FARP1: variants seen among roughly 807,000 people sequenced by gnomAD.
The protein encoded by FARP1 is FERM, ARHGEF and pleckstrin domain-containing protein 1.
Under a neutral mutation model 128.8 loss-of-function variants are expected in FARP1, and 52 were observed. The observed-to-expected ratio is 0.40, with a 90% CI of 0.32 to 0.51. The LOEUF is 0.51. Among genes scored for constraint, FARP1 ranks in the 20% least tolerant of loss-of-function variants. The pLI is 0.45. For synonymous variants in FARP1, 580 were observed against 551.8 expected, an observed-to-expected ratio of 1.05 and a Z score of -0.72; for missense variants, 1,333 against 1,367.9, an observed-to-expected ratio of 0.97 and a Z score of 0.40.
At chr13:98,232,145 G>GTT (rs59209045) in intron 2 of FARP1, among the ~76,000 whole-genome samples, 3,575 of 105,304 alleles carry the variant, frequency 0.034, 94 homozygotes, top group African/African-American at 0.053. Flanking sequence ...TGTTTGGTTG[G>GTT]TTTTTTTTTT....
At chr13:98,159,138 C>A (rs1219066132) in intron 1 of FARP1, among the ~76,000 whole-genome samples, 1 of 152,192 alleles carries the variant, frequency 6.6e-6, no homozygotes, top group African/African-American at 2.4e-5. Flanking sequence ...TCTGGCCCAT[C>A]CTTGGAATCG....
At chr13:98,412,092 T>G in intron 16 of FARP1, 58 bp downstream of exon 16, 1 of 1,565,424 alleles carries the variant, frequency 6.4e-7, no homozygotes. Context: ...TGTGTTATTT[T>G]TATGTCGTCC....
chr13:98,192,477 C>A (rs1879300959), intron 1 of FARP1, among the ~76,000 whole-genome samples: 1 of 152,058 alleles, frequency 6.6e-6, no homozygotes, highest in African/African-American at 2.4e-5. Context: ...GCAACCTCTG[C>A]CTCTCAGGTT....
In FARP1 at chr13:98,256,564, T is replaced by A. The variant is rs944700561; in HGVS notation, c.171+43151T>A. 1.1e-4 allele frequency among the ~76,000 whole-genome samples: 17 copies of A among 152,048 alleles called. 1 individual carries two copies. Among genetic ancestry groups the A allele is most frequent in the African/African-American group, 4.1e-4 (17 of 41,486 alleles). On this transcript the variant is annotated intron_variant, in intron 2 of 26. Coordinates refer to ENST00000319562, the MANE Select transcript of FARP1 (RefSeq NM_005766.4). ...ATGTGCATCTTACCACTTTTTTTTT[T>A]TTTCTTTTTTTTGGAGACAGAGTTT...
At chr13:98,306,677 GCTAA>G (rs1886178328) in intron 2 of FARP1, among the ~76,000 whole-genome samples, 1 of 40,930 alleles carries the variant, frequency 2.4e-5, no homozygotes, top group South Asian at 1.7e-3. Context: ...ACCACACCCG[GCTAA>G]CTTTTTTTTT....
At chr13:98,366,730 C>G (rs1453166061) in intron 4 of FARP1, among the ~76,000 whole-genome samples, 1 of 152,200 alleles carries the variant, frequency 6.6e-6, no homozygotes, top group Non-Finnish European at 1.5e-5. Context: ...GTGAAAATCG[C>G]AGAGAATAAG....
At chr13:98,265,594 C>T (rs955661408) in intron 2 of FARP1, among the ~76,000 whole-genome samples, 2 of 152,080 alleles carry the variant, frequency 1.3e-5, no homozygotes, top group Admixed American at 6.5e-5. Flanking sequence ...GCTGGGATTA[C>T]AGGCGTGAGC....
chr13:98,396,078 A>C, intron 13 of FARP1: 1 of 399,138 alleles, frequency 2.5e-6, no homozygotes, highest in Non-Finnish European at 4.4e-6. Flanking sequence ...AGTCAGAGAC[A>C]GATCCACTCA....
rs1893388042 is a variant in FARP1, at chr13:98,455,056, T to C, written c.*6739T>C. Reference sequence around the variant, plus strand: ...AAAATGTGCTGCGTCTGAATGGAGATGTGCTAAGTGTAAAACACACACCAA... The same window carrying C: ...AAAATGTGCTGCGTCTGAATGGAGACGTGCTAAGTGTAAAACACACACCAA... On this transcript the variant is annotated 3_prime_UTR_variant, in exon 27 of 27. Coordinates refer to ENST00000319562, the MANE Select transcript of FARP1 (RefSeq NM_005766.4). The C allele has an allele frequency of 6.6e-6, 1 of 152,222 alleles. No homozygotes were observed. Among genetic ancestry groups the C allele is most frequent in the Non-Finnish European group, 1.5e-5 (1 of 68,044 alleles). The allele number at this position is 152,222 out of a possible 1,614,324, so 9.4% of individuals were successfully genotyped here. A position where few individuals can be genotyped will look rare whatever the true frequency, so the allele number is the denominator to read the frequency against.
chr13:98,150,873 T>C (rs1875948681), intron 1 of FARP1, among the ~76,000 whole-genome samples: 1 of 152,082 alleles, frequency 6.6e-6, no homozygotes, highest in Non-Finnish European at 1.5e-5. Flanking sequence ...GTTTGTTCTT[T>C]GGCACACAGA....
intron 2 of FARP1, among the ~76,000 whole-genome samples, chr13:98,214,193 G>A (rs568953596): frequency 2.0e-5 from 3 of 152,200 alleles, no homozygotes; most frequent in Non-Finnish European, 2.9e-5. Flanking sequence ...TCCTCAGATC[G>A]CTCCTGCGGG....
rs1893300289 is a variant in FARP1 at position 98,453,521 on chromosome 13, T to C, written c.*5204T>C. ...CGATCAATTGTCAAAAAGTGAACATTGATCCATACATGATGACACAGTAAG... is the reference window on the plus strand; with the variant it reads ...CGATCAATTGTCAAAAAGTGAACATCGATCCATACATGATGACACAGTAAG... On this transcript the variant is annotated 3_prime_UTR_variant, in exon 27 of 27. Transcript: ENST00000319562. 3.0e-6 allele frequency: 1 copy of C among 333,646 alleles called. No homozygotes were observed. Among genetic ancestry groups the C allele is most frequent in the Non-Finnish European group, 5.5e-6 (1 of 182,066 alleles). The allele number at this position is 333,646 out of a possible 1,614,324, so 20.7% of individuals were successfully genotyped here. A position where few individuals can be genotyped will look rare whatever the true frequency, so the allele number is the denominator to read the frequency against.
At chr13:98,287,800 CTTTTTTTTT>C (rs35204639) in intron 2 of FARP1, among the ~76,000 whole-genome samples, 1 of 116,700 alleles carries the variant, frequency 8.6e-6, no homozygotes, top group African/African-American at 3.5e-5. Flanking sequence ...CCAGGCACTT[CTTTTTTTTT>C]TTTTTTTTTT....
At chr13:98,252,541 C>G (rs374087687) in intron 2 of FARP1, among the ~76,000 whole-genome samples, 1 of 152,206 alleles carries the variant, frequency 6.6e-6, no homozygotes, top group Admixed American at 6.5e-5. Flanking sequence ...ACAGGAGTGC[C>G]CTGGTGGCAG....
chr13:98,184,601 T>G (rs1173861548), intron 1 of FARP1, among the ~76,000 whole-genome samples: 4 of 152,168 alleles, frequency 2.6e-5, no homozygotes, highest in African/African-American at 9.7e-5. Context: ...TAAAAAATAT[T>G]TGAAGGGAAA....
intron 1 of FARP1, among the ~76,000 whole-genome samples, chr13:98,148,215 C>T (rs1738842971): frequency 6.6e-6 from 1 of 152,130 alleles, no homozygotes; most frequent in South Asian, 2.1e-4. Context: ...CCCGTCTCTA[C>T]TAAAAATACA....
intron 3 of FARP1, among the ~76,000 whole-genome samples, chr13:98,361,352 C>T (rs1221867976): frequency 1.3e-5 from 2 of 152,350 alleles, no homozygotes; most frequent in East Asian, 3.9e-4. Context: ...TGTTATAAAA[C>T]CACATGCTCC....
intron 2 of FARP1, among the ~76,000 whole-genome samples, chr13:98,268,579 T>G (rs1392678420): frequency 2.0e-5 from 3 of 152,204 alleles, no homozygotes; most frequent in Admixed American, 6.5e-5. Context: ...ATGATTCTCC[T>G]GCGTCAGCCT....
chr13:98,442,823 G>A (rs1427651801), intron 24 of FARP1, among the ~76,000 whole-genome samples: 5 of 152,262 alleles, frequency 3.3e-5, no homozygotes, highest in African/African-American at 1.2e-4. Flanking sequence ...CGCCACTGGG[G>A]AGGAACCGTC....
Sources: allele counts gnomAD v4.1 joint callset (sites outside exome capture counted in the v4.1 genomes callset), GRCh38; gene constraint gnomAD v4.1.1; transcripts MANE v1.5; gene names NCBI Gene and HGNC (gene_info 2026-07-23, HGNC 2026-07-21).